CADM2: variants seen among roughly 807,000 people sequenced by gnomAD.
The protein encoded by CADM2 is cell adhesion molecule 2.
CADM2 carries 12 observed loss-of-function variants against 49.8 expected under a neutral mutation model. That is an observed-to-expected ratio of 0.24 (90% CI 0.15 to 0.39). The LOEUF is 0.39. Ranked by LOEUF, CADM2 falls within the 10% of genes least tolerant of loss-of-function variation. The pLI is 1.00. For synonymous variants in CADM2, 214 were observed against 175.4 expected (o/e 1.22, Z -1.74); for missense variants, 378 against 492.3 (o/e 0.77, Z 2.20).
chr3:84,977,556 G>A (rs1197059555), intron 1 of CADM2, among the ~76,000 whole-genome samples: 1 of 151,918 alleles, frequency 6.6e-6, no homozygotes, highest in Non-Finnish European at 1.5e-5. Context: ...TGTCTATGTT[G>A]GCATTAATAT....
At chr3:85,301,028 G>A (rs765484845) in intron 1 of CADM2, among the ~76,000 whole-genome samples, 3 of 152,012 alleles carry the variant, frequency 2.0e-5, no homozygotes, top group African/African-American at 4.8e-5. Context: ...GAATCACAGG[G>A]TGAGAAATTG....
At position 85,769,500 on chromosome 3, in the gene CADM2, TA is replaced by T. The variant is rs2069918721; in HGVS notation, c.89-32546del. Among the ~76,000 whole-genome samples, 2 of 70,028 alleles carry T rather than the reference TA, an allele frequency of 2.9e-5. 1 individual carries two copies. Among genetic ancestry groups the T allele is most frequent in the Non-Finnish European group, 5.3e-5 (2 of 38,016 alleles). 45.9% of individuals were successfully genotyped at this position (70,028 alleles called of 152,430 possible). A position where few individuals can be genotyped will look rare whatever the true frequency, so the allele number is the denominator to read the frequency against. On this transcript the variant is annotated intron_variant, in intron 2 of 9. Transcript: ENST00000383699. ...ATACACGTATATACATATATACATA[TA>T]TGTATATATACACGTATATACATAT...
Position 85,861,949 on chromosome 3 carries a change from A to G in CADM2, c.239-21342A>G, listed in dbSNP as rs1245177188. 3.3e-5 allele frequency among the ~76,000 whole-genome samples: 5 copies of G among 152,122 alleles called. No individual in the cohort carries two copies. The East Asian group carries it at 9.6e-4, about 29-fold the overall frequency. On this transcript the variant is annotated intron_variant, in intron 3 of 9. Coordinates refer to ENST00000383699, the MANE Select transcript of CADM2 (RefSeq NM_001167675.2). ...CCAAAAACATGTATTCACCTTCATC[A>G]CTTACCTCATATTGACATCCCTTCC...
intron 1 of CADM2, among the ~76,000 whole-genome samples, chr3:85,064,022 T>A (rs1392492958): frequency 6.6e-6 from 1 of 152,026 alleles, no homozygotes; most frequent in African/African-American, 2.4e-5. Context: ...TGTAGAGAAA[T>A]GACAAGACAT....
At chr3:85,776,993 C>A (rs1298417285) in intron 2 of CADM2, among the ~76,000 whole-genome samples, 1 of 151,842 alleles carries the variant, frequency 6.6e-6, no homozygotes, top group Non-Finnish European at 1.5e-5. Flanking sequence ...GTATTTGTTC[C>A]CCTAGTATAA....
intron 1 of CADM2, among the ~76,000 whole-genome samples, chr3:85,089,913 C>A (rs1240124241): frequency 7.9e-5 from 12 of 152,124 alleles, no homozygotes; most frequent in Admixed American, 7.9e-4. Flanking sequence ...TTTCCTACCA[C>A]ATTTCTATTG....
At chr3:84,993,595 GT>G (rs1026057035) in intron 1 of CADM2, among the ~76,000 whole-genome samples, 2 of 152,078 alleles carry the variant, frequency 1.3e-5, no homozygotes, top group Admixed American at 6.5e-5. Flanking sequence ...AAAAGGGTTT[GT>G]TTTTTCCACG....
rs529135787 is a variant in CADM2, at chr3:85,617,007, C to T, written c.62-109515C>T. ...ACACTCAATGTGTTTTTCCTCTGCT[C>T]TCATGCAGTGATCAACACAGAAGAT... On this transcript the variant is annotated intron_variant, in intron 1 of 9. Transcript: ENST00000383699. Among the ~76,000 whole-genome samples, 8 of 152,212 alleles carry T rather than the reference C, an allele frequency of 5.3e-5. No homozygotes were observed. In the South Asian group the frequency reaches 1.5e-3, roughly 28 times the overall value.
At chr3:85,516,617 T>C (rs2060909700) in intron 1 of CADM2, among the ~76,000 whole-genome samples, 1 of 152,112 alleles carries the variant, frequency 6.6e-6, no homozygotes, top group Admixed American at 6.6e-5. Flanking sequence ...GTAGCCTTTT[T>C]TCCCCAGAAT....
At chr3:85,278,714 G>A (rs890624592) in intron 1 of CADM2, among the ~76,000 whole-genome samples, 3 of 107,838 alleles carry the variant, frequency 2.8e-5, no homozygotes, top group South Asian at 3.4e-4. Flanking sequence ...CACTGCTGAT[G>A]TTCTTGTGTG....
intron 8 of CADM2, among the ~76,000 whole-genome samples, chr3:86,028,209 TA>T (rs1186767714): frequency 8.5e-6 from 1 of 118,162 alleles, no homozygotes; most frequent in African/African-American, 3.2e-5. Flanking sequence ...AATAAATAAA[TA>T]AAAAAAAGAA....
At chr3:86,030,264 T>A (rs1734402425) in intron 8 of CADM2, among the ~76,000 whole-genome samples, 1 of 151,998 alleles carries the variant, frequency 6.6e-6, no homozygotes, top group Non-Finnish European at 1.5e-5. Context: ...GTATTCGAGT[T>A]TCTGTTTTAA....
At chr3:85,901,420 T>C (rs1353115953) in intron 5 of CADM2, among the ~76,000 whole-genome samples, 1 of 152,144 alleles carries the variant, frequency 6.6e-6, no homozygotes, top group African/African-American at 2.4e-5. Context: ...AGTGCATTCA[T>C]TGTCTGCTAT....
At chr3:85,321,116 ATTTTTTTTTTT>A (rs1157576505) in intron 1 of CADM2, among the ~76,000 whole-genome samples, 4 of 27,494 alleles carry the variant, frequency 1.5e-4, no homozygotes, top group Non-Finnish European at 2.0e-4. Flanking sequence ...ATATATATAT[ATTTTTTTTTTT>A]TTTTTTTTTT....
intron 1 of CADM2, among the ~76,000 whole-genome samples, chr3:85,583,039 AG>A (rs1353472630): frequency 1.3e-5 from 2 of 152,182 alleles, no homozygotes; most frequent in Non-Finnish European, 2.9e-5. Context: ...CCTGGTGTAT[AG>A]GAAGTGCTGA....
At chr3:85,489,743 CGT>C (rs35790794) in intron 1 of CADM2, among the ~76,000 whole-genome samples, 97,664 of 144,640 alleles carry the variant, frequency 0.68, 32,963 homozygotes, top group East Asian at 0.93. Context: ...AATTATTTAA[CGT>C]GTGTGTGTGT....
At chr3:85,661,118 T>C (rs376707044) in intron 1 of CADM2, among the ~76,000 whole-genome samples, 57 of 152,192 alleles carry the variant, frequency 3.7e-4, no homozygotes, top group East Asian at 1.9e-3. Flanking sequence ...CCCTTAGGGA[T>C]TGTCAATTTG....
chr3:85,087,567 G>T (rs1278356656), intron 1 of CADM2, among the ~76,000 whole-genome samples: 1 of 152,026 alleles, frequency 6.6e-6, no homozygotes, highest in Non-Finnish European at 1.5e-5. Flanking sequence ...TACAAAGAAG[G>T]CTTTTAAGAA....
intron 1 of CADM2, among the ~76,000 whole-genome samples, chr3:85,090,119 G>A (rs1253390525): frequency 7.2e-5 from 11 of 151,972 alleles, no homozygotes; most frequent in South Asian, 4.1e-4. Flanking sequence ...AAAAAAAGGC[G>A]TATTTTGAAC....
Sources: allele counts gnomAD v4.1 joint callset (sites outside exome capture counted in the v4.1 genomes callset), GRCh38; gene constraint gnomAD v4.1.1; transcripts MANE v1.5; gene names NCBI Gene and HGNC (gene_info 2026-07-23, HGNC 2026-07-21).